Variants in SPIRE1 observed in about 807,000 individuals in gnomAD.
The protein encoded by SPIRE1 is spire type actin nucleation factor 1, also known as protein spire homolog 1.
SPIRE1 carries 40 observed loss-of-function variants against 94.1 expected under a neutral mutation model. The observed-to-expected ratio is 0.43, with a 90% CI of 0.33 to 0.55. The LOEUF (loss-of-function observed/expected upper bound fraction) is 0.55, where lower values mean the gene tolerates loss of function less well. Ranked by LOEUF, SPIRE1 falls within the 20% of genes least tolerant of loss-of-function variation. The pLI, the probability that SPIRE1 is intolerant of heterozygous loss-of-function variation, is 0.06. For synonymous variants in SPIRE1, 376 were observed against 371.7 expected (o/e 1.01, Z -0.13); for missense variants, 838 against 975.2 (o/e 0.86, Z 1.87).
At position 12,479,719 on chromosome 18, in the gene SPIRE1, G is replaced by GTT; in HGVS notation, c.1382_1383dup (p.Leu462AsnfsTer72). On this transcript the variant is annotated frameshift_variant, in exon 10 of 17. Coordinates refer to ENST00000409402, the MANE Select transcript of SPIRE1 (RefSeq NM_001128626.2). LOFTEE classifies it high-confidence loss of function. ...CTCACCTCAGACTCAGAGCTGTCCAGTTCGGCCAGAGTTGGGGCTCTGAGG... is the reference window on the plus strand; with the variant it reads ...CTCACCTCAGACTCAGAGCTGTCCAGTTTTCGGCCAGAGTTGGGGCTCTGAGG... 6.2e-7 allele frequency: 1 copy of GTT among 1,613,494 alleles called. No individual in the cohort carries two copies. Among genetic ancestry groups the GTT allele is most frequent in the Non-Finnish European group, 8.5e-7 (1 of 1,179,820 alleles).
At chr18:12,599,293 T>C (rs918500882) in intron 2 of SPIRE1, among the ~76,000 whole-genome samples, 3 of 152,212 alleles carry the variant, frequency 2.0e-5, no homozygotes, top group African/African-American at 7.2e-5. Flanking sequence ...TCTCATTCTG[T>C]CAGCCAGGCT....
Position 12,512,516 on chromosome 18 carries a change from G to C in SPIRE1, c.745C>G (p.Gln249Glu). 1 of 1,608,744 alleles carries C rather than the reference G, an allele frequency of 6.2e-7. No homozygotes were observed. The highest frequency in any genetic ancestry group is 1.1e-5 in the South Asian group (1 of 90,548). Residue 249 changes from glutamine to glutamate, a missense_variant, in exon 5 of 17, where the codon CAA becomes GAA. Around this residue, in one of 2 missense-constraint regions of SPIRE1, gnomAD observed 645 missense variants for 804.7 expected, o/e 0.80. Coordinates refer to ENST00000409402, the MANE Select transcript of SPIRE1 (RefSeq NM_001128626.2). ...KSAKENLKKI[Q>E]EMEKSDESST... The stretch of plus-strand genomic sequence containing the variant: ...GATTCATCGCTCTTTTCCATTTCTT[G>C]AATCTTCTTAAGATTCTACAGGTTA...
intron 3 of SPIRE1, among the ~76,000 whole-genome samples, chr18:12,537,531 A>T (rs2034876710): frequency 6.6e-6 from 1 of 152,252 alleles, no homozygotes; most frequent in Non-Finnish European, 1.5e-5. Context: ...CACTGGTTGT[A>T]AACTGCAACT....
At position 12,657,985 on chromosome 18, in the gene SPIRE1, G is replaced by A; in HGVS notation, c.-119C>T. ...CCCGGAACCGCCGCCGCCCAACGCGGCCGCGCGCGCCGCCGCCGGGACCAG... is the reference window on the plus strand; with the variant it reads ...CCCGGAACCGCCGCCGCCCAACGCGACCGCGCGCGCCGCCGCCGGGACCAG... On this transcript the variant is annotated 5_prime_UTR_variant, in exon 1 of 17. Transcript: ENST00000409402. The A allele has an allele frequency of 1.0e-6, 1 of 992,438 alleles. No individual in the cohort carries two copies. The highest frequency in any genetic ancestry group is 1.7e-5 in the African/African-American group (1 of 57,148). 61.5% of individuals were successfully genotyped at this position (992,438 alleles called of 1,614,324 possible).
At chr18:12,653,570 C>T (rs2038439613) in intron 1 of SPIRE1, 1 of 152,220 alleles carries the variant, frequency 6.6e-6, no homozygotes, top group Non-Finnish European at 1.5e-5. Flanking sequence ...TTTCATTCCA[C>T]AACACTACTA....
chr18:12,535,732 A>G, intron 3 of SPIRE1, 131 bp from the exon 4 acceptor site: 1 of 684,666 alleles, frequency 1.5e-6, no homozygotes, highest in Non-Finnish European at 2.4e-6. Context: ...CAACGCAGGC[A>G]GATCATGAGG....
intron 7 of SPIRE1, among the ~76,000 whole-genome samples, chr18:12,493,829 C>T (rs935390153): frequency 6.6e-6 from 1 of 152,156 alleles, no homozygotes; most frequent in African/African-American, 2.4e-5. Context: ...AATTATGTTC[C>T]CTATATGCTA....
At chr18:12,457,700 T>C (rs1598886726) in intron 12 of SPIRE1, among the ~76,000 whole-genome samples, 1 of 8,202 alleles carries the variant, frequency 1.2e-4, no homozygotes. Flanking sequence ...AATTGTTGAG[T>C]TTTTTTTTTT....
chr18:12,491,518 T>C (rs78484701), intron 8 of SPIRE1, among the ~76,000 whole-genome samples: 1,686 of 152,154 alleles, frequency 0.011, 37 homozygotes, highest in African/African-American at 0.038. Context: ...TTTCTTTCTT[T>C]CCATGGAATC....
intron 2 of SPIRE1, among the ~76,000 whole-genome samples, chr18:12,598,034 C>T (rs545313478): frequency 6.6e-6 from 1 of 152,202 alleles, no homozygotes; most frequent in East Asian, 1.9e-4. Flanking sequence ...ATACAAGAGA[C>T]TAGCTTGAGT....
chr18:12,570,938 G>A (rs1353558923), intron 2 of SPIRE1, among the ~76,000 whole-genome samples: 2 of 152,202 alleles, frequency 1.3e-5, no homozygotes, highest in East Asian at 3.9e-4. Context: ...AACCAGAATG[G>A]CCAAGTCACA....
chr18:12,654,336 C>CAA (rs199897679), intron 1 of SPIRE1, among the ~76,000 whole-genome samples: 249 of 98,726 alleles, frequency 2.5e-3, no homozygotes, highest in Non-Finnish European at 3.1e-3. Context: ...GACTCCACCT[C>CAA]AAAAAAAAAA....
At chr18:12,595,633 T>G (rs530661916) in intron 2 of SPIRE1, among the ~76,000 whole-genome samples, 64 of 152,348 alleles carry the variant, frequency 4.2e-4, no homozygotes, top group Admixed American at 1.3e-3. Flanking sequence ...ATTATCCAAC[T>G]AACCTTTATT....
At chr18:12,478,937 G>A (rs183632652) in intron 10 of SPIRE1, among the ~76,000 whole-genome samples, 62 of 151,652 alleles carry the variant, frequency 4.1e-4, no homozygotes, top group African/African-American at 1.5e-3. Context: ...TTTGTCTGTT[G>A]GTATTACTAT....
chr18:12,642,701 G>T (rs113150872), intron 1 of SPIRE1, among the ~76,000 whole-genome samples: 1 of 152,118 alleles, frequency 6.6e-6, no homozygotes, highest in African/African-American at 2.4e-5. Flanking sequence ...ACTCATAAGT[G>T]GGAGTTGAAC....
At chr18:12,624,058 G>C (rs1248055340) in intron 2 of SPIRE1, among the ~76,000 whole-genome samples, 3 of 151,320 alleles carry the variant, frequency 2.0e-5, no homozygotes, top group African/African-American at 7.3e-5. Flanking sequence ...CGAGTAGCTG[G>C]GATTACAGGC....
intron 10 of SPIRE1, among the ~76,000 whole-genome samples, chr18:12,469,282 A>G (rs934754260): frequency 6.6e-6 from 1 of 151,848 alleles, no homozygotes; most frequent in African/African-American, 2.4e-5. Flanking sequence ...AGATCACTGC[A>G]ATTTCCGCCT....
chr18:12,655,336 A>G (rs2038510418), intron 1 of SPIRE1, among the ~76,000 whole-genome samples: 2 of 152,252 alleles, frequency 1.3e-5, no homozygotes, highest in Admixed American at 1.3e-4. Flanking sequence ...CCACCAAATT[A>G]TTCATCAAGT....
At chr18:12,499,718 G>GCAA (rs36119100) in intron 6 of SPIRE1, among the ~76,000 whole-genome samples, 16,079 of 152,126 alleles carry the variant, frequency 0.11, 1,231 homozygotes, top group Middle Eastern at 0.21. Context: ...AAAATCACAA[G>GCAA]CAACAGAAGG....
Sources: gnomAD v4.1 joint callset for allele counts (sites outside exome capture counted in the v4.1 genomes callset) on GRCh38, gnomAD v4.1.1 for gene constraint, gnomAD v4.1.1 regional missense constraint, MANE v1.5 for transcripts, NCBI Gene and HGNC (gene_info 2026-07-23, HGNC 2026-07-21) for gene names.